The following NELL2 variants were observed in gnomAD, a reference collection of about 807,000 sequenced individuals.
NELL2 encodes protein kinase C-binding protein NELL2.
Under a neutral mutation model 109.6 loss-of-function variants are expected in NELL2, and 41 were observed. The ratio of observed to expected loss-of-function variants is 0.37; its 90% CI spans 0.29 to 0.49. NELL2 has a LOEUF of 0.49. NELL2 is among the 20% of genes least tolerant of loss of function. The probability of loss-of-function intolerance (pLI) is 0.98; values close to 1 mark genes in which losing one functional copy is unlikely to be tolerated. For missense variants in NELL2, 900 were observed against 1,008.3 expected, an observed-to-expected ratio of 0.89 and a Z score of 1.45; for synonymous variants, 355 against 344.7, an observed-to-expected ratio of 1.03 and a Z score of -0.33.
chr12:44,809,310 C>A (rs1224542326), intron 3 of NELL2, among the ~76,000 whole-genome samples: 1 of 151,972 alleles, frequency 6.6e-6, no homozygotes, highest in Non-Finnish European at 1.5e-5. Context: ...TTTCATATTT[C>A]TCTTCTGTTT....
intron 3 of NELL2, among the ~76,000 whole-genome samples, chr12:44,789,928 A>C (rs57476392): frequency 0.014 from 2,195 of 152,200 alleles, 52 homozygotes; most frequent in African/African-American, 0.05. Context: ...AAAGACAAAG[A>C]AAGAAGAATG....
Position 44,724,750 on chromosome 12 carries a change from AAAAAACCTACTTT to A in NELL2, c.995-10022_995-10010del, listed in dbSNP as rs1447728674. ...TGACATTCTTCACAGAACTAGAAAA[AAAAAACCTACTTT>A]AAAATTCATATGGAACCAAAAAAGA... On this transcript the variant is annotated intron_variant, in intron 9 of 19. Coordinates refer to ENST00000429094, the MANE Select transcript of NELL2 (RefSeq NM_001145108.2). Among the ~76,000 whole-genome samples, 6 of 152,038 alleles carry A rather than the reference AAAAAACCTACTTT, an allele frequency of 3.9e-5. No individual in the cohort carries two copies. In the South Asian group the frequency reaches 6.2e-4, roughly 16 times the overall value.
intron 2 of NELL2, among the ~76,000 whole-genome samples, chr12:44,827,918 C>A (rs1261589255): frequency 6.6e-6 from 1 of 152,180 alleles, no homozygotes; most frequent in Non-Finnish European, 1.5e-5. Context: ...TACTAATTTG[C>A]ATTCCCACTA....
intron 15 of NELL2, among the ~76,000 whole-genome samples, chr12:44,591,619 G>T (rs1321167733): frequency 3.9e-5 from 6 of 152,162 alleles, no homozygotes; most frequent in African/African-American, 1.4e-4. Flanking sequence ...AGACAGAAAG[G>T]AGCGGGGATA....
intron 9 of NELL2, among the ~76,000 whole-genome samples, chr12:44,736,633 C>T (rs969354854): frequency 6.6e-6 from 1 of 151,816 alleles, no homozygotes; most frequent in African/African-American, 2.4e-5. Context: ...CTGAACGAAA[C>T]CAGAAAAGAA....
In NELL2 at chr12:44,736,301, G is replaced by A. The variant is rs192875448; in HGVS notation, c.995-21560C>T. ...TGGGATTACAGGCGTGAGCCACCGC[G>A]CCCGGCCTTCTTTATTTTTTTAAAA... On this transcript the variant is annotated intron_variant, in intron 9 of 19. Transcript: ENST00000429094. Among the ~76,000 whole-genome samples the A allele has an allele frequency of 5.2e-3, 798 of 152,010 alleles. 19 individuals are homozygous for A. The highest frequency in any genetic ancestry group is 0.049 in the Admixed American group (746 of 15,274).
At chr12:44,509,017 A>G in intron 19 of NELL2, 33 bp from the exon 20 acceptor site, 1 of 1,578,308 alleles carries the variant, frequency 6.3e-7, no homozygotes. Context: ...GAAAAACAGT[A>G]TGAATTTTTA....
intron 12 of NELL2, among the ~76,000 whole-genome samples, chr12:44,665,945 A>G (rs1947910621): frequency 6.6e-6 from 1 of 152,192 alleles, no homozygotes; most frequent in South Asian, 2.1e-4. Context: ...GCAATCTTCA[A>G]TCACAGAGCC....
intron 13 of NELL2, among the ~76,000 whole-genome samples, chr12:44,636,859 C>T (rs1592246781): frequency 6.6e-6 from 1 of 150,654 alleles, no homozygotes; most frequent in East Asian, 2.0e-4. Context: ...GAAGTAGAAT[C>T]CTGCTTTGAT....
At chr12:44,733,677 TTA>T (rs1459431428) in intron 9 of NELL2, among the ~76,000 whole-genome samples, 1 of 151,864 alleles carries the variant, frequency 6.6e-6, no homozygotes, top group Non-Finnish European at 1.5e-5. Flanking sequence ...TATTGTACAC[TTA>T]TATTAAGAGG....
intron 9 of NELL2, among the ~76,000 whole-genome samples, chr12:44,748,453 TC>T (rs1940497120): frequency 6.6e-6 from 1 of 152,132 alleles, no homozygotes; most frequent in Admixed American, 6.6e-5. Context: ...AAAATAAAGA[TC>T]CTATCTAATG....
At chr12:44,595,670 T>C (rs986545163) in intron 15 of NELL2, among the ~76,000 whole-genome samples, 4 of 150,996 alleles carry the variant, frequency 2.6e-5, no homozygotes, top group African/African-American at 9.7e-5. Context: ...CTCGATCTCC[T>C]GACCTCATGA....
At chr12:44,876,994 C>A (rs1592697792), upstream of NELL2, 2 of 745,082 alleles carry the variant, frequency 2.7e-6, no homozygotes, top group East Asian at 1.0e-4. Flanking sequence ...CCAGGAGGTG[C>A]TGGACAGCTC....
chr12:44,677,054 C>G (rs778522962), intron 12 of NELL2, among the ~76,000 whole-genome samples: 40 of 152,056 alleles, frequency 2.6e-4, no homozygotes, highest in Non-Finnish European at 5.0e-4. Flanking sequence ...CAAACCCAGT[C>G]TTACAAACAG....
intron 1 of NELL2, among the ~76,000 whole-genome samples, chr12:44,897,650 T>G (rs1945609781): frequency 6.6e-6 from 1 of 152,048 alleles, no homozygotes; most frequent in Non-Finnish European, 1.5e-5. Flanking sequence ...CTCGGGTGCC[T>G]ACACCACCAG....
rs557856526 is a variant in NELL2 at position 44,627,496 on chromosome 12, G to C, written c.1445-16526C>G. Among the ~76,000 whole-genome samples the C allele has an allele frequency of 5.9e-5, 9 of 151,728 alleles. No individual in the cohort carries two copies. In the South Asian group the frequency reaches 1.7e-3, roughly 28 times the overall value. On this transcript the variant is annotated intron_variant, in intron 13 of 19. Transcript: ENST00000429094. ...CAAAATCCCTGGTCTAGAGTGGTCCGCTGTACAACGAACTTATTACTTATT... is the reference window on the plus strand; with the variant it reads ...CAAAATCCCTGGTCTAGAGTGGTCCCCTGTACAACGAACTTATTACTTATT...
intron 14 of NELL2, among the ~76,000 whole-genome samples, chr12:44,609,166 G>T (rs1022013866): frequency 6.6e-6 from 1 of 151,774 alleles, no homozygotes; most frequent in Non-Finnish European, 1.5e-5. Flanking sequence ...GCCCAATCTG[G>T]TCTCAAACTC....
At chr12:44,858,787 T>C (rs1944754768) in intron 2 of NELL2, among the ~76,000 whole-genome samples, 1 of 152,188 alleles carries the variant, frequency 6.6e-6, no homozygotes, top group African/African-American at 2.4e-5. Flanking sequence ...TGTAAGCAAG[T>C]GCTCAAATGA....
intron 19 of NELL2, among the ~76,000 whole-genome samples, chr12:44,519,619 C>T (rs1941430747): frequency 6.6e-6 from 1 of 152,144 alleles, no homozygotes; most frequent in Admixed American, 6.6e-5. Flanking sequence ...ATCTTACGGA[C>T]CTTGTAAAAG....
Sources: allele counts gnomAD v4.1 joint callset (sites outside exome capture counted in the v4.1 genomes callset), GRCh38; gene constraint gnomAD v4.1.1; transcripts MANE v1.5; gene names NCBI Gene and HGNC (gene_info 2026-07-23, HGNC 2026-07-21).